The following NAALADL2 variants were observed in gnomAD, a reference collection of about 807,000 sequenced individuals.
NAALADL2 encodes the protein inactive N-acetylated-alpha-linked acidic dipeptidase-like protein 2.
Under a neutral mutation model 87.2 loss-of-function variants are expected in NAALADL2, and 76 were observed. The observed-to-expected ratio is 0.87, with a 90% confidence interval of 0.72 to 1.05. The LOEUF (loss-of-function observed/expected upper bound fraction) is 1.05. NAALADL2 is among the 50% of genes least tolerant of loss of function. The probability of loss-of-function intolerance (pLI) is 0.00; values close to 1 mark genes in which losing one functional copy is unlikely to be tolerated. For synonymous variants in NAALADL2, 354 were observed against 331.0 expected (o/e 1.07, Z -0.75); for missense variants, 1,089 against 945.8 (o/e 1.15, Z -1.99).
chr3:174,481,291 A>G (rs982589036), intron 1 of NAALADL2, among the ~76,000 whole-genome samples: 11 of 152,192 alleles, frequency 7.2e-5, no homozygotes, highest in African/African-American at 2.6e-4. Flanking sequence ...TGAAGCCGCC[A>G]TATATTCCTG....
intron 4 of NAALADL2, among the ~76,000 whole-genome samples, chr3:175,284,125 C>G (rs1581252390): frequency 6.6e-6 from 1 of 150,898 alleles, no homozygotes; most frequent in South Asian, 2.1e-4. Flanking sequence ...GTAAATGGAA[C>G]TGGAATGCCC....
At chr3:175,196,759 A>G (rs780529724) in intron 2 of NAALADL2, among the ~76,000 whole-genome samples, 16 of 151,934 alleles carry the variant, frequency 1.1e-4, no homozygotes, top group Non-Finnish European at 2.1e-4. Flanking sequence ...ATGGCCTCAC[A>G]AATTTCCTTT....
At chr3:175,502,923 TC>T (rs1729754914) in intron 9 of NAALADL2, among the ~76,000 whole-genome samples, 2 of 126,884 alleles carry the variant, frequency 1.6e-5, no homozygotes, top group South Asian at 2.3e-4. Flanking sequence ...AGATTTTTTT[TC>T]TCTTTTTTTT....
intron 2 of NAALADL2, among the ~76,000 whole-genome samples, chr3:174,675,925 C>T (rs532220123): frequency 4.1e-4 from 63 of 152,040 alleles, no homozygotes; most frequent in African/African-American, 1.0e-3. Flanking sequence ...TAGCTCTTTA[C>T]GTTGTTTGTT....
chr3:175,722,026 C>CCA (rs1176111499), intron 11 of NAALADL2, among the ~76,000 whole-genome samples: 1 of 152,014 alleles, frequency 6.6e-6, no homozygotes, highest in East Asian at 1.9e-4. Context: ...GCACACATAC[C>CCA]CACACACCAT....
chr3:175,218,063 G>C (rs1427923069), intron 2 of NAALADL2: 92 of 416,210 alleles, frequency 2.2e-4, no homozygotes, highest in South Asian at 1.6e-3. Context: ...TTTTTTTTTG[G>C]CTAAATTTTT....
intron 11 of NAALADL2, among the ~76,000 whole-genome samples, chr3:175,699,702 C>T (rs891675039): frequency 6.6e-6 from 1 of 151,994 alleles, no homozygotes; most frequent in African/African-American, 2.4e-5. Flanking sequence ...TTAGAACACA[C>T]ATACAAATCA....
intron 2 of NAALADL2, among the ~76,000 whole-genome samples, chr3:175,161,190 C>T (rs1733148962): frequency 6.6e-6 from 1 of 151,956 alleles, no homozygotes; most frequent in African/African-American, 2.4e-5. Context: ...CATCATAGAT[C>T]TGATGAGAGT....
chr3:174,727,152 T>C (rs1732272359), intron 2 of NAALADL2, among the ~76,000 whole-genome samples: 2 of 152,050 alleles, frequency 1.3e-5, no homozygotes, highest in African/African-American at 4.8e-5. Context: ...TATATAAATA[T>C]ATGTTTGTGT....
At position 175,613,369 on chromosome 3, in the gene NAALADL2, C is replaced by T. The variant is rs116020468; in HGVS notation, c.1801-13922C>T. Among the ~76,000 whole-genome samples the T allele has an allele frequency of 6.2e-3, 940 of 152,222 alleles. 7 individuals carry two copies. Among genetic ancestry groups the T allele is most frequent in the African/African-American group, 0.021 (880 of 41,528 alleles). On this transcript the variant is annotated intron_variant, in intron 10 of 13. Transcript: ENST00000454872. The stretch of plus-strand genomic sequence containing the variant: ...ATGTTCTGTCTTAAAAATTGAAATA[C>T]GATAAAGTAGTGCATAGACTTAAAA...
chr3:175,086,416 CAAA>C (rs370401749), intron 1 of NAALADL2, among the ~76,000 whole-genome samples: 4 of 146,672 alleles, frequency 2.7e-5, no homozygotes, highest in African/African-American at 1.0e-4. Context: ...ATTACAGAAA[CAAA>C]AAAAAAGAAA....
chr3:174,613,795 A>T (rs1224466597), intron 2 of NAALADL2, among the ~76,000 whole-genome samples: 1 of 152,180 alleles, frequency 6.6e-6, no homozygotes, highest in Non-Finnish European at 1.5e-5. Flanking sequence ...ACTGGTACTT[A>T]AGGTACAAGG....
chr3:174,687,202 C>T (rs992888626), intron 2 of NAALADL2, among the ~76,000 whole-genome samples: 2 of 152,044 alleles, frequency 1.3e-5, no homozygotes, highest in African/African-American at 4.8e-5. Flanking sequence ...TCACTGGAAC[C>T]CTCCTTTCTC....
At chr3:174,892,892 A>G (rs900658027) in intron 1 of NAALADL2, among the ~76,000 whole-genome samples, 2 of 145,398 alleles carry the variant, frequency 1.4e-5, no homozygotes, top group African/African-American at 5.3e-5. Flanking sequence ...ACTGCACTCC[A>G]GCTTGGGCTA....
At chr3:175,221,758 G>GTTATTTATTTATTTAT (rs58596469) in intron 2 of NAALADL2, among the ~76,000 whole-genome samples, 1,511 of 149,080 alleles carry the variant, frequency 0.01, 13 homozygotes, top group East Asian at 0.043. Context: ...ATATTCAGTG[G>GTTATTTATTTATTTAT]TTATTTATTT....
chr3:175,278,312 G>A (rs561684757), intron 4 of NAALADL2, among the ~76,000 whole-genome samples: 1 of 152,178 alleles, frequency 6.6e-6, no homozygotes, highest in African/African-American at 2.4e-5. Context: ...TATGTTAAAT[G>A]AGTTAATAAC....
chr3:174,479,152 A>G (rs183664104), intron 1 of NAALADL2, among the ~76,000 whole-genome samples: 1 of 152,322 alleles, frequency 6.6e-6, no homozygotes, highest in Non-Finnish European at 1.5e-5. Context: ...TCTTATAGTC[A>G]TATTTTGAAT....
chr3:175,651,889 G>A (rs1730810849), intron 11 of NAALADL2, among the ~76,000 whole-genome samples: 1 of 152,172 alleles, frequency 6.6e-6, no homozygotes, highest in Admixed American at 6.5e-5. Context: ...GCAAAGCAGA[G>A]AAGCAAACGA....
chr3:175,414,897 T>C (rs1433544011), intron 5 of NAALADL2, among the ~76,000 whole-genome samples: 2 of 152,120 alleles, frequency 1.3e-5, no homozygotes, highest in Admixed American at 1.3e-4. Flanking sequence ...TTTAGCTGAT[T>C]AAATATTGAT....
Sources: gnomAD v4.1 joint callset for allele counts (sites outside exome capture counted in the v4.1 genomes callset) on GRCh38, gnomAD v4.1.1 for gene constraint, MANE v1.5 for transcripts, NCBI Gene and HGNC (gene_info 2026-07-23, HGNC 2026-07-21) for gene names.